The following CDH18 variants were observed in gnomAD, a reference collection of about 807,000 sequenced individuals.
The protein encoded by CDH18 is cadherin-18.
Under a neutral mutation model 67.9 loss-of-function variants are expected in CDH18, and 31 were observed. That is an observed-to-expected ratio of 0.46 (90% CI 0.34 to 0.62). The LOEUF is 0.62. CDH18 is among the 20% of genes least tolerant of loss of function. CDH18 has a pLI of 0.01. For missense variants in CDH18, 890 were observed against 975.5 expected (o/e 0.91, Z 1.17); for synonymous variants, 362 against 347.2 (o/e 1.04, Z -0.48).
chr5:19,883,392 G>A (rs1787871040), intron 2 of CDH18, among the ~76,000 whole-genome samples: 1 of 151,632 alleles, frequency 6.6e-6, no homozygotes, highest in African/African-American at 2.4e-5. Flanking sequence ...CCTACTCTTG[G>A]TCATACAGGT....
chr5:20,387,163 T>C (rs1045187423), intron 1 of CDH18, among the ~76,000 whole-genome samples: 1 of 152,146 alleles, frequency 6.6e-6, no homozygotes, highest in Non-Finnish European at 1.5e-5. Context: ...TATAAAAGTT[T>C]ATGGACATTT....
At chr5:20,445,534 G>C (rs1749937291) in intron 1 of CDH18, among the ~76,000 whole-genome samples, 1 of 152,250 alleles carries the variant, frequency 6.6e-6, no homozygotes, top group Non-Finnish European at 1.5e-5. Flanking sequence ...AAAGAGAGAG[G>C]TTAAACTCAA....
At chr5:19,679,611 A>G (rs1759983924) in intron 5 of CDH18, among the ~76,000 whole-genome samples, 1 of 151,682 alleles carries the variant, frequency 6.6e-6, no homozygotes, top group Non-Finnish European at 1.5e-5. Context: ...TAAAGTTTCA[A>G]TGTATAAAAA....
chr5:20,494,596 C>G (rs1485711688), intron 1 of CDH18, among the ~76,000 whole-genome samples: 1 of 152,114 alleles, frequency 6.6e-6, no homozygotes, highest in Non-Finnish European at 1.5e-5. Context: ...TCCAACCACA[C>G]TTTTGAAGAA....
chr5:19,721,218 G>A, intron 5 of CDH18, 129 bp downstream of exon 5: 1 of 831,560 alleles, frequency 1.2e-6, no homozygotes, highest in African/African-American at 1.7e-5. Flanking sequence ...TTTAGAAAAA[G>A]TGAGGATATG....
At chr5:19,928,960 TTTA>T (rs1793388983) in intron 2 of CDH18, among the ~76,000 whole-genome samples, 1 of 146,718 alleles carries the variant, frequency 6.8e-6, no homozygotes, top group South Asian at 2.3e-4. Flanking sequence ...TCATTTTTAT[TTTA>T]TTGTTTTTCA....
At chr5:20,201,093 G>A (rs1337811724) in intron 2 of CDH18, among the ~76,000 whole-genome samples, 1 of 151,998 alleles carries the variant, frequency 6.6e-6, no homozygotes, top group East Asian at 1.9e-4. Flanking sequence ...TATCAGTAGA[G>A]CAATACTCTT....
intron 2 of CDH18, among the ~76,000 whole-genome samples, chr5:20,044,336 G>A (rs1037218857): frequency 1.3e-5 from 2 of 151,950 alleles, no homozygotes; most frequent in Non-Finnish European, 2.9e-5. Flanking sequence ...AATAAAATAA[G>A]GCTAGTTGGA....
intron 1 of CDH18, among the ~76,000 whole-genome samples, chr5:20,548,703 C>T (rs1262388140): frequency 6.6e-6 from 1 of 152,118 alleles, no homozygotes. Context: ...GTGGGTTCAA[C>T]AAATCTGCCT....
At chr5:19,865,785 C>T (rs1455232023) in intron 2 of CDH18, among the ~76,000 whole-genome samples, 1 of 152,120 alleles carries the variant, frequency 6.6e-6, no homozygotes, top group Non-Finnish European at 1.5e-5. Context: ...GTAATACTGC[C>T]ATTTATTTTC....
At chr5:20,480,444 G>A (rs1752714939) in intron 1 of CDH18, among the ~76,000 whole-genome samples, 1 of 152,122 alleles carries the variant, frequency 6.6e-6, no homozygotes, top group African/African-American at 2.4e-5. Flanking sequence ...TTTTGAGACA[G>A]TCTCACTCTG....
chr5:20,271,562 G>A (rs974123753), intron 1 of CDH18, among the ~76,000 whole-genome samples: 33 of 151,942 alleles, frequency 2.2e-4, no homozygotes, highest in African/African-American at 8.0e-4. Flanking sequence ...ATGATTACGT[G>A]TTAATTAAAA....
chr5:19,558,012 C>A (rs1259549449), intron 8 of CDH18, among the ~76,000 whole-genome samples: 1 of 151,928 alleles, frequency 6.6e-6, no homozygotes, highest in Non-Finnish European at 1.5e-5. Flanking sequence ...CATGCAAATA[C>A]ATGGAAATTA....
At chr5:20,420,716 G>A (rs1274649028) in intron 1 of CDH18, among the ~76,000 whole-genome samples, 1 of 151,240 alleles carries the variant, frequency 6.6e-6, no homozygotes, top group Non-Finnish European at 1.5e-5. Flanking sequence ...CATTTAAAGA[G>A]TCTACAAGAA....
In CDH18 at chr5:20,202,294, C is replaced by G. The variant is rs78832177; in HGVS notation, c.-518+53150G>C. The stretch of plus-strand genomic sequence containing the variant: ...AGAATCATTTTGTTAATGAACAGAA[C>G]TATTAGTTTCTTTTGTTTTTGCTTA... On this transcript the variant is annotated intron_variant, in intron 2 of 14. Transcript: ENST00000507958. Among the ~76,000 whole-genome samples, 142 of 152,182 alleles carry G rather than the reference C, an allele frequency of 9.3e-4. 3 individuals carry two copies. The East Asian group carries it at 0.026, about 28-fold the overall frequency.
chr5:20,333,534 C>T (rs1286861367), intron 1 of CDH18, among the ~76,000 whole-genome samples: 19 of 142,464 alleles, frequency 1.3e-4, no homozygotes, highest in South Asian at 4.5e-4. Context: ...TATATACACA[C>T]ACACACACAC....
chr5:19,786,171 G>A (rs1164175388), intron 3 of CDH18, among the ~76,000 whole-genome samples: 1 of 151,960 alleles, frequency 6.6e-6, no homozygotes, highest in Admixed American at 6.6e-5. Flanking sequence ...TCTTTATATG[G>A]TAGCATGCCA....
In CDH18 at chr5:19,999,940, A is replaced by G. The variant is rs1736312183; in HGVS notation, c.-517-7926T>C. 2.0e-5 allele frequency among the ~76,000 whole-genome samples: 3 copies of G among 152,196 alleles called. No homozygotes were observed. In the South Asian group the frequency reaches 6.2e-4, roughly 31 times the overall value. ...ATTCTCAAATTATGTATTAAGTTCCATCTCAAGTTCTTTCAGATTCATATA... is the reference window on the plus strand; with the variant it reads ...ATTCTCAAATTATGTATTAAGTTCCGTCTCAAGTTCTTTCAGATTCATATA... On this transcript the variant is annotated intron_variant, in intron 2 of 14. Transcript: ENST00000507958.
intron 3 of CDH18, among the ~76,000 whole-genome samples, chr5:19,820,943 C>T (rs1779807264): frequency 6.6e-6 from 1 of 151,904 alleles, no homozygotes; most frequent in African/African-American, 2.4e-5. Context: ...AAAATAAAAC[C>T]AAAAAGCTTC....
Sources: gnomAD v4.1 joint callset for allele counts (sites outside exome capture counted in the v4.1 genomes callset) on GRCh38, gnomAD v4.1.1 for gene constraint, MANE v1.5 for transcripts, NCBI Gene and HGNC (gene_info 2026-07-23, HGNC 2026-07-21) for gene names.